SLC12A2: variants seen among roughly 807,000 people sequenced by gnomAD.
SLC12A2 encodes the protein solute carrier family 12 member 2.
Under a neutral mutation model 136.3 loss-of-function variants are expected in SLC12A2, and 67 were observed. The observed-to-expected ratio is 0.49, with a 90% CI of 0.40 to 0.60. The LOEUF is 0.60. Ranked by LOEUF, SLC12A2 falls within the 20% of genes least tolerant of loss-of-function variation. The pLI is 0.00. For missense variants in SLC12A2, 1,322 were observed against 1,534.7 expected (o/e 0.86, Z 2.32); for synonymous variants, 619 against 562.9 (o/e 1.10, Z -1.41).
intron 1 of SLC12A2, chr5:128,109,941 C>T (rs138614658): frequency 9.9e-5 from 85 of 859,904 alleles, no homozygotes; most frequent in Non-Finnish European, 1.5e-4. Flanking sequence ...ATGAACTGCC[C>T]AACTGGAAAC....
At chr5:128,157,979 G>A (rs1762915097) in intron 15 of SLC12A2, 74 bp from the exon 16 acceptor site, 2 of 1,244,994 alleles carry the variant, frequency 1.6e-6, no homozygotes, top group Non-Finnish European at 2.3e-6. Context: ...AAGCTTCTTA[G>A]GGAAACAACT....
intron 20 of SLC12A2, among the ~76,000 whole-genome samples, chr5:128,176,372 A>G (rs251217): frequency 0.46 from 69,895 of 151,792 alleles, 17,642 homozygotes; most frequent in Non-Finnish European, 0.55. Flanking sequence ...AGCCCACTGT[A>G]GTATACTCTT....
intron 23 of SLC12A2, among the ~76,000 whole-genome samples, chr5:128,181,944 C>G (rs1763720487): frequency 6.8e-6 from 1 of 146,368 alleles, no homozygotes; most frequent in Non-Finnish European, 1.5e-5. Flanking sequence ...CACTTACCCC[C>G]CCATCTAGTT....
At chr5:128,128,169 G>T (rs1224952314) in intron 4 of SLC12A2, among the ~76,000 whole-genome samples, 1 of 152,082 alleles carries the variant, frequency 6.6e-6, no homozygotes, top group African/African-American at 2.4e-5. Context: ...AATATACAGT[G>T]TGTTATTTCA....
chr5:128,171,591 T>C, intron 18 of SLC12A2, 76 bp from the exon 19 acceptor site: 2 of 884,284 alleles, frequency 2.3e-6, no homozygotes, highest in South Asian at 1.5e-5. Context: ...TCATCTATTA[T>C]TTATTTTAAA....
At chr5:128,087,675 G>A (rs1760150975) in intron 1 of SLC12A2, among the ~76,000 whole-genome samples, 2 of 152,196 alleles carry the variant, frequency 1.3e-5, no homozygotes, top group South Asian at 4.1e-4. Flanking sequence ...GTAGCCACAT[G>A]ACCCATTTTG....
intron 20 of SLC12A2, 21 bp from the exon 21 acceptor site, chr5:128,177,084 T>A: frequency 6.6e-7 from 1 of 1,523,080 alleles, no homozygotes; most frequent in Non-Finnish European, 8.9e-7. Context: ...CATATTTTTG[T>A]GTTTTTTAAA....
At chr5:128,096,591 G>A (rs1297950684) in intron 1 of SLC12A2, among the ~76,000 whole-genome samples, 8 of 151,952 alleles carry the variant, frequency 5.3e-5, no homozygotes, top group Non-Finnish European at 1.5e-5. Context: ...TGAGAATTGT[G>A]TACTGAGAGC....
In SLC12A2 at chr5:128,186,745, G is replaced by T. The variant is rs975221672; in HGVS notation, c.*114G>T. On this transcript the variant is annotated 3_prime_UTR_variant, in exon 27 of 27. Coordinates refer to ENST00000262461, the MANE Select transcript of SLC12A2 (RefSeq NM_001046.3). Reference sequence around the variant, plus strand: ...TGGCGAATGGTGACTTTTCTTTCACGATTTCATTAATTTGAAAGCACACAG... The same window carrying T: ...TGGCGAATGGTGACTTTTCTTTCACTATTTCATTAATTTGAAAGCACACAG... The T allele has an allele frequency of 5.3e-6, 6 of 1,138,984 alleles. No homozygotes were observed. Among genetic ancestry groups the T allele is most frequent in the Middle Eastern group, 2.2e-4 (1 of 4,602 alleles). 70.6% of individuals were successfully genotyped at this position (1,138,984 alleles called of 1,614,324 possible).
rs1416023681 is a variant in SLC12A2 at position 128,148,683 on chromosome 5, C to A, written c.1882-71C>A. Reference sequence around the variant, plus strand: ...AAACTTGAATCTCATTCCTGATTAACCTATTAGAACTATCAGCAAATCTGC... The same window carrying A: ...AAACTTGAATCTCATTCCTGATTAAACTATTAGAACTATCAGCAAATCTGC... On this transcript the variant is annotated intron_variant, in intron 11 of 26. Transcript: ENST00000262461. The A allele has an allele frequency of 4.7e-6, 6 of 1,266,632 alleles. No homozygotes were observed. In the African/African-American group the frequency reaches 6.0e-5, roughly 13 times the overall value. The allele number at this position is 1,266,632 out of a possible 1,614,324, so 78.5% of individuals were successfully genotyped here.
chr5:128,167,866 CAGTA>C lies in SLC12A2; in HGVS notation c.2723+4_2723+7del. On this transcript the variant is annotated splice_donor_variant and splice_donor_region_variant and coding_sequence_variant and intron_variant, in exon 18 of 27. Transcript: ENST00000262461. LOFTEE classifies it high-confidence loss of function. The stretch of plus-strand genomic sequence containing the variant: ...TGTGGATATGTATATAAACTTATTT[CAGTA>C]AGTATCTTTTTAATTCAATAATTTA... 1 of 1,469,934 alleles carries C rather than the reference CAGTA, an allele frequency of 6.8e-7. No individual in the cohort carries two copies. Among genetic ancestry groups the C allele is most frequent in the Non-Finnish European group, 9.3e-7 (1 of 1,074,160 alleles). The allele number at this position is 1,469,934 out of a possible 1,614,324, so 91.1% of individuals were successfully genotyped here. A position where few individuals can be genotyped will look rare whatever the true frequency, so the allele number is the denominator to read the frequency against.
Position 128,112,832 on chromosome 5 carries a change from T to G in SLC12A2, c.775T>G (p.Phe259Val), listed in dbSNP as rs1761202950. ...TAACCAGGAACCTTTTGAGGATGGC[T>G]TTGCAAATGGGGAAGAAAGTACTCC... ...ELEKEPFEDGFANGEESTPTR... is the reference protein window; with the variant it reads ...ELEKEPFEDGVANGEESTPTR... The change falls in exon 2 of 27, where the codon TTT becomes GTT. Residue 259 changes from phenylalanine (F) to valine (V), a missense_variant. This residue lies in a region of SLC12A2 where 59 missense variants were observed against 51.5 expected (regional missense o/e 1.15). Transcript: ENST00000262461. 6.2e-7 allele frequency: 1 copy of G among 1,610,232 alleles called. No individual in the cohort carries two copies.
intron 1 of SLC12A2, among the ~76,000 whole-genome samples, chr5:128,102,596 CTT>C (rs70997362): frequency 7.9e-4 from 32 of 40,420 alleles, no homozygotes; most frequent in African/African-American, 2.4e-3. Context: ...CCCCCCCCGC[CTT>C]TTTTTTTTTT....
intron 1 of SLC12A2, among the ~76,000 whole-genome samples, chr5:128,086,739 A>G (rs1250575735): frequency 6.6e-6 from 1 of 152,198 alleles, no homozygotes; most frequent in Non-Finnish European, 1.5e-5. Context: ...AGATGGATTA[A>G]AGAAATGGGT....
intron 4 of SLC12A2, among the ~76,000 whole-genome samples, chr5:128,126,966 A>ATATTT: frequency 1.5e-3 from 32 of 21,160 alleles, no homozygotes; most frequent in Admixed American, 3.5e-3. Context: ...ATATATATAT[A>ATATTT]TTTTTTTTTT....
At chr5:128,124,547 A>G (rs1238826618) in intron 4 of SLC12A2, among the ~76,000 whole-genome samples, 1 of 152,174 alleles carries the variant, frequency 6.6e-6, no homozygotes, top group African/African-American at 2.4e-5. Context: ...ACAACACAGA[A>G]AGAGCCAAAT....
chr5:128,175,184 A>G (rs1763500653), intron 20 of SLC12A2, among the ~76,000 whole-genome samples: 1 of 152,028 alleles, frequency 6.6e-6, no homozygotes, highest in African/African-American at 2.4e-5. Flanking sequence ...GAATCATCAA[A>G]CTGTAACATA....
intron 1 of SLC12A2, among the ~76,000 whole-genome samples, chr5:128,105,417 A>G (rs1760895986): frequency 6.6e-6 from 1 of 152,162 alleles, no homozygotes; most frequent in African/African-American, 2.4e-5. Context: ...GTTTCAAGAA[A>G]GGGAGTGGCT....
chr5:128,173,331 C>T (rs900332883), intron 19 of SLC12A2, among the ~76,000 whole-genome samples: 1 of 152,200 alleles, frequency 6.6e-6, no homozygotes, highest in African/African-American at 2.4e-5. Flanking sequence ...GAGTGCCTAA[C>T]TTATACCTGT....
Sources: gnomAD v4.1 joint callset for allele counts (sites outside exome capture counted in the v4.1 genomes callset) on GRCh38, gnomAD v4.1.1 for gene constraint, gnomAD v4.1.1 regional missense constraint, MANE v1.5 for transcripts, NCBI Gene and HGNC (gene_info 2026-07-23, HGNC 2026-07-21) for gene names.